The following ANKRD36 variants were observed in gnomAD, a reference collection of about 807,000 sequenced individuals.
ANKRD36 encodes ankyrin repeat domain 36, also known as ankyrin repeat domain-containing protein 36A.
In ANKRD36, 179 loss-of-function variants were observed where a neutral mutation model predicts 278.1. That is an observed-to-expected ratio of 0.64 (90% CI 0.57 to 0.73). The LOEUF (loss-of-function observed/expected upper bound fraction) is 0.73. Ranked by LOEUF, ANKRD36 falls within the 30% of genes least tolerant of loss-of-function variation. ANKRD36 has a pLI of 0.00. For synonymous variants in ANKRD36, 320 were observed against 641.1 expected (o/e 0.50, Z 7.57); for missense variants, 1,159 against 1,956.7 (o/e 0.59, Z 7.69).
intron 38 of ANKRD36, 150 bp from the exon 39 acceptor site, chr2:97,194,576 A>G: frequency 3.5e-6 from 5 of 1,442,996 alleles, no homozygotes; most frequent in African/African-American, 1.4e-5. Context: ...TATTTCTGAC[A>G]TGTTCTGGTC....
chr2:97,158,735 T>C (rs545978484), intron 17 of ANKRD36, 80 bp downstream of exon 17: 1 of 1,335,334 alleles, frequency 7.5e-7, no homozygotes, highest in South Asian at 1.4e-5. Context: ...TATCTGTTAA[T>C]GATCTTTAGT....
rs752090524 is a variant in ANKRD36 at position 97,189,150 on chromosome 2, A to G, written c.2172+35A>G. On this transcript the variant is annotated intron_variant, in intron 33 of 75. Coordinates refer to ENST00000420699, the MANE Select transcript of ANKRD36 (RefSeq NM_001354587.1). ...CTCTCGTTTACATTGTGAACTAGTA[A>G]TTCTATAGTCTATGAAACATACTTC... The G allele has an allele frequency of 3.3e-5, 25 of 755,318 alleles. 6 individuals are homozygous for G. The Admixed American group carries it at 5.1e-4, about 15-fold the overall frequency. 46.8% of individuals were successfully genotyped at this position (755,318 alleles called of 1,614,324 possible). A position where few individuals can be genotyped will look rare whatever the true frequency, so the allele number is the denominator to read the frequency against.
chr2:97,200,476 T>G lies in ANKRD36; in HGVS notation c.2808T>G (p.Ser936=), dbSNP rs558055259. The change falls in exon 46 of 76, where the codon TCT becomes TCG. Residue 936 remains serine, a synonymous_variant. Coordinates refer to ENST00000420699, the MANE Select transcript of ANKRD36 (RefSeq NM_001354587.1). Reference sequence around the variant, plus strand: ...AGGCCACAAGTGATGAGAAGGATTCTTTTTCGAATATAACCAGAGAAAAAA... The same window carrying G: ...AGGCCACAAGTGATGAGAAGGATTCGTTTTCGAATATAACCAGAGAAAAAA... ...SLEATSDEKD[S]FSNITREKKD... The G allele has an allele frequency of 3.1e-6, 5 of 1,587,718 alleles. No homozygotes were observed. The Admixed American group carries it at 7.2e-5, about 23-fold the overall frequency.
At chr2:97,209,750 T>C (rs1368751315) in intron 55 of ANKRD36, 41 bp downstream of exon 55, 1 of 1,571,722 alleles carries the variant, frequency 6.4e-7, no homozygotes, top group African/African-American at 1.6e-5. Flanking sequence ...AGTAAACGTA[T>C]AGCCTATGAA....
chr2:97,217,495 G>A, intron 64 of ANKRD36, 123 bp downstream of exon 64: 1 of 1,390,296 alleles, frequency 7.2e-7, no homozygotes, highest in South Asian at 1.4e-5. Flanking sequence ...GCCTGAGATT[G>A]TGCATTTCTA....
chr2:97,143,148 GAA>G (rs1395708535), intron 8 of ANKRD36, among the ~76,000 whole-genome samples: 1 of 151,896 alleles, frequency 6.6e-6, no homozygotes, highest in Non-Finnish European at 1.5e-5. Context: ...AAGGGAAGGA[GAA>G]AGAGATTAAG....
Position 97,206,119 on chromosome 2 carries a change from A to G in ANKRD36, c.3147A>G (p.Gly1049=). The G allele has an allele frequency of 1.3e-6, 2 of 1,541,974 alleles. No individual in the cohort carries two copies. The highest frequency in any genetic ancestry group is 1.7e-6 in the Non-Finnish European group (2 of 1,146,026). Residue 1049 remains glycine (G), a synonymous_variant, in exon 52 of 76, where the codon GGA becomes GGG. Transcript: ENST00000420699. ...GTATAGCCAGAGAAAACAAGGATGGAGAAAAATCTAGGACAGGTAATTCTG... is the reference window on the plus strand; with the variant it reads ...GTATAGCCAGAGAAAACAAGGATGGGGAAAAATCTAGGACAGGTAATTCTG... The part of the protein sequence containing the change: ...VLSIARENKD[G]EKSRTVSSEK...
At chr2:97,150,055 A>G (rs917561914) in intron 12 of ANKRD36, among the ~76,000 whole-genome samples, 10 of 151,808 alleles carry the variant, frequency 6.6e-5, no homozygotes, top group Non-Finnish European at 1.3e-4. Context: ...CTAATTTTAA[A>G]AAGTTGTGGA....
chr2:97,158,076 A>G (rs1293780731), intron 15 of ANKRD36, 31 bp from the exon 16 acceptor site: 4 of 1,415,490 alleles, frequency 2.8e-6, no homozygotes, highest in Non-Finnish European at 3.8e-6. Context: ...AACTTGCTGC[A>G]TGTTATTCTT....
intron 32 of ANKRD36, 100 bp downstream of exon 32, chr2:97,187,501 G>T (rs980949876): frequency 4.4e-6 from 6 of 1,360,306 alleles, no homozygotes; most frequent in African/African-American, 1.5e-5. Context: ...GGGGCTCGCC[G>T]AAGCTGCACA....
At chr2:97,131,246 A>G (rs1213071278) in intron 6 of ANKRD36, among the ~76,000 whole-genome samples, 1 of 151,634 alleles carries the variant, frequency 6.6e-6, no homozygotes, top group African/African-American at 2.4e-5. Flanking sequence ...CTGGAGTACA[A>G]TAGTGTGATC....
Position 97,206,164 on chromosome 2 carries a change from G to C in ANKRD36, c.3163+29G>C. On this transcript the variant is annotated intron_variant, in intron 52 of 75. Coordinates refer to ENST00000420699, the MANE Select transcript of ANKRD36 (RefSeq NM_001354587.1). ...ATTCTGAAAACAGATTTAATGCCAT[G>C]TTCAGTCGAGATAGATAAGAAGTTC... 3 of 1,510,706 alleles carry C rather than the reference G, an allele frequency of 2.0e-6. No homozygotes were observed. The South Asian group carries it at 3.7e-5, about 19-fold the overall frequency. The allele number at this position is 1,510,706 out of a possible 1,614,324, so 93.6% of individuals were successfully genotyped here. A position where few individuals can be genotyped will look rare whatever the true frequency, so the allele number is the denominator to read the frequency against.
At chr2:97,148,025 T>A (rs1290132202) in intron 11 of ANKRD36, among the ~76,000 whole-genome samples, 2 of 151,922 alleles carry the variant, frequency 1.3e-5, no homozygotes, top group African/African-American at 4.8e-5. Context: ...GGAAAGAGTC[T>A]CCAGAGGAGA....
At chr2:97,178,654 A>G (rs28542740) in intron 22 of ANKRD36, among the ~76,000 whole-genome samples, 1 of 138,820 alleles carries the variant, frequency 7.2e-6, no homozygotes. Flanking sequence ...CAGGAAGGGG[A>G]ATATCACACT....
At chr2:97,200,619 G>C in intron 46 of ANKRD36, 94 bp downstream of exon 46, 1 of 1,508,496 alleles carries the variant, frequency 6.6e-7, no homozygotes, top group Non-Finnish European at 8.9e-7. Flanking sequence ...GAAGCTGCAC[G>C]TTCTGATTCA....
At chr2:97,171,608 G>A (rs1308080222) in intron 22 of ANKRD36, among the ~76,000 whole-genome samples, 14 of 138,180 alleles carry the variant, frequency 1.0e-4, no homozygotes, top group African/African-American at 3.0e-4. Context: ...GCTAGATGAC[G>A]AGTTAGTGGG....
At chr2:97,137,362 G>C (rs1450234417) in intron 6 of ANKRD36, among the ~76,000 whole-genome samples, 1 of 151,716 alleles carries the variant, frequency 6.6e-6, no homozygotes, top group Non-Finnish European at 1.5e-5. Context: ...GTTTGGCCAG[G>C]CTGGTCTCAA....
At chr2:97,124,401 A>G (rs1338924236) in intron 4 of ANKRD36, 59 bp from the exon 5 acceptor site, 8 of 1,519,912 alleles carry the variant, frequency 5.3e-6, no homozygotes, top group African/African-American at 1.4e-5. Flanking sequence ...TTGATAAAGT[A>G]TATAAACTTA....
intron 38 of ANKRD36, among the ~76,000 whole-genome samples, chr2:97,193,820 TA>T (rs2059074261): frequency 6.6e-6 from 1 of 151,596 alleles, no homozygotes; most frequent in African/African-American, 2.4e-5. Context: ...ACCTCTTGGA[TA>T]AAAAAGCTAT....
Sources: allele counts gnomAD v4.1 joint callset (sites outside exome capture counted in the v4.1 genomes callset), GRCh38; gene constraint gnomAD v4.1.1; transcripts MANE v1.5; gene names NCBI Gene and HGNC (gene_info 2026-07-23, HGNC 2026-07-21).